ARL6: variants seen among roughly 807,000 people sequenced by gnomAD.
ARL6 encodes the protein ARF like GTPase 6, also known as ADP-ribosylation factor-like protein 6.
A neutral mutation model predicts 27.1 loss-of-function variants in ARL6; 18 were observed. The ratio of observed to expected loss-of-function variants is 0.66; its 90% CI spans 0.46 to 0.98. ARL6 has a LOEUF of 0.98. ARL6 is among the 50% of genes least tolerant of loss of function. The pLI, the probability that ARL6 is intolerant of heterozygous loss-of-function variation, is 0.00. For missense variants in ARL6, 187 were observed against 214.9 expected, an observed-to-expected ratio of 0.87 and a Z score of 0.81; for synonymous variants, 65 against 72.3, an observed-to-expected ratio of 0.90 and a Z score of 0.51.
chr3:97,787,911 T>C, intron 5 of ARL6, 79 bp from the exon 6 acceptor site: 1 of 1,488,208 alleles, frequency 6.7e-7, no homozygotes, highest in Non-Finnish European at 9.3e-7. Context: ...AAAAATTTCA[T>C]GGGTTTCAGT....
chr3:97,779,335 A>G (rs980180484), intron 2 of ARL6, among the ~76,000 whole-genome samples: 3 of 152,090 alleles, frequency 2.0e-5, no homozygotes, highest in East Asian at 1.9e-4. Flanking sequence ...CCCTCCTGTC[A>G]TTCACTCCTG....
intron 4 of ARL6, among the ~76,000 whole-genome samples, chr3:97,780,919 A>G (rs1164666704): frequency 6.6e-6 from 1 of 152,048 alleles, no homozygotes; most frequent in South Asian, 2.1e-4. Flanking sequence ...GCCCCATTCT[A>G]TCCTACTTCA....
chr3:97,787,789 T>A (rs554269389), intron 5 of ARL6, among the ~76,000 whole-genome samples: 2 of 152,216 alleles, frequency 1.3e-5, no homozygotes, highest in African/African-American at 2.4e-5. Context: ...GGGCAGATGG[T>A]CCTAGGAAGT....
intron 4 of ARL6, among the ~76,000 whole-genome samples, chr3:97,783,295 TTA>T: frequency 6.6e-6 from 1 of 151,828 alleles, no homozygotes; most frequent in Non-Finnish European, 1.5e-5. Flanking sequence ...ACCATCTAAA[TTA>T]TGTACCATGT....
intron 7 of ARL6, 47 bp from the exon 8 acceptor site, chr3:97,797,977 T>A (rs1442773684): frequency 6.4e-7 from 1 of 1,568,108 alleles, no homozygotes; most frequent in Non-Finnish European, 8.8e-7. Context: ...AGAAAATAGA[T>A]TTTGCCCTAT....
intron 2 of ARL6, among the ~76,000 whole-genome samples, chr3:97,774,359 G>T (rs2036789598): frequency 1.3e-5 from 2 of 151,824 alleles, no homozygotes; most frequent in South Asian, 4.2e-4. Flanking sequence ...CTAGAAGCAG[G>T]CGGGGGTATT....
At chr3:97,766,934 G>A (rs1476285422) in intron 1 of ARL6, among the ~76,000 whole-genome samples, 1 of 152,036 alleles carries the variant, frequency 6.6e-6, no homozygotes, top group African/African-American at 2.4e-5. Context: ...ACAAAGTAAT[G>A]GTTTGGGGAG....
chr3:97,776,627 G>A (rs2036914567), intron 2 of ARL6, among the ~76,000 whole-genome samples: 1 of 151,674 alleles, frequency 6.6e-6, no homozygotes, highest in Non-Finnish European at 1.5e-5. Context: ...CTTCATTTTG[G>A]TGATGTTACC....
At chr3:97,784,122 A>G (rs553179938) in intron 4 of ARL6, among the ~76,000 whole-genome samples, 15 of 152,008 alleles carry the variant, frequency 9.9e-5, no homozygotes, top group Admixed American at 7.9e-4. Context: ...AATGATGAAA[A>G]TTGGAAATAA....
Position 97,769,334 on chromosome 3 carries a change from A to G in ARL6, c.123+1104A>G, listed in dbSNP as rs143349562. ...AGTCTTAGCTGTCATTTTTTTAGAG[A>G]TAGACTCTATATACCTTTTTCAAAA... On this transcript the variant is annotated intron_variant, in intron 2 of 7. Transcript: ENST00000463745. 1.2e-4 allele frequency among the ~76,000 whole-genome samples: 19 copies of G among 152,044 alleles called. No individual in the cohort carries two copies. In the East Asian group the frequency reaches 3.7e-3, roughly 29 times the overall value.
chr3:97,780,176 C>G lies in ARL6; in HGVS notation c.141C>G (p.Ile47Met). 6.2e-7 allele frequency: 1 copy of G among 1,612,874 alleles called. No homozygotes were observed. Among genetic ancestry groups the G allele is most frequent in the Non-Finnish European group, 8.5e-7 (1 of 1,179,138 alleles). ...LKPSNAQSQN[I>M]LPTIGFSIEK... ...TCTTAAAGGCTCAATCTCAAAATATCCTTCCAACAATAGGATTCAGCATAG... is the reference window on the plus strand; with the variant it reads ...TCTTAAAGGCTCAATCTCAAAATATGCTTCCAACAATAGGATTCAGCATAG... The change falls in exon 3 of 8, where the codon ATC becomes ATG. Residue 47 changes from isoleucine (I) to methionine (M), a missense_variant. Coordinates refer to ENST00000463745, the MANE Select transcript of ARL6 (RefSeq NM_001278293.3).
chr3:97,784,586 CAA>C (rs1051033278), intron 4 of ARL6, among the ~76,000 whole-genome samples: 9 of 151,278 alleles, frequency 5.9e-5, no homozygotes, highest in Admixed American at 5.9e-4. Context: ...GTAATATACA[CAA>C]AGTGTAGCTT....
chr3:97,765,347 T>TGAG (rs1198142657), intron 1 of ARL6, among the ~76,000 whole-genome samples: 1 of 152,062 alleles, frequency 6.6e-6, no homozygotes, highest in African/African-American at 2.4e-5. Flanking sequence ...CAACAAACAC[T>TGAG]TTACAGAGTT....
At chr3:97,796,436 C>G (rs372798048) in intron 7 of ARL6, among the ~76,000 whole-genome samples, 33 of 151,790 alleles carry the variant, frequency 2.2e-4, no homozygotes, top group African/African-American at 7.5e-4. Flanking sequence ...GAAAGTAGAG[C>G]AGAAAGACAA....
chr3:97,780,080 G>C, intron 2 of ARL6, 79 bp from the exon 3 acceptor site: 1 of 1,197,396 alleles, frequency 8.4e-7, no homozygotes, highest in African/African-American at 1.5e-5. Flanking sequence ...TTTAGAAACT[G>C]AAAATCTGGA....
chr3:97,783,369 C>T (rs536974307), intron 4 of ARL6, among the ~76,000 whole-genome samples: 77 of 151,882 alleles, frequency 5.1e-4, no homozygotes, highest in African/African-American at 1.8e-3. Flanking sequence ...GAAAAACATG[C>T]AATGAATATA....
chr3:97,795,406 A>G (rs1271458498), intron 7 of ARL6, among the ~76,000 whole-genome samples: 2 of 152,208 alleles, frequency 1.3e-5, no homozygotes, highest in Non-Finnish European at 2.9e-5. Context: ...AGATGTGAAT[A>G]TTAGACTTAC....
intron 2 of ARL6, among the ~76,000 whole-genome samples, chr3:97,768,873 T>C (rs2036510808): frequency 1.3e-5 from 2 of 151,932 alleles, no homozygotes; most frequent in Admixed American, 1.3e-4. Context: ...CTTTTTTTTA[T>C]GGTAATGGTA....
intron 6 of ARL6, among the ~76,000 whole-genome samples, 193 bp from the exon 7 acceptor site, chr3:97,791,578 T>C (rs2037738985): frequency 6.6e-6 from 1 of 152,246 alleles, no homozygotes; most frequent in Non-Finnish European, 1.5e-5. Flanking sequence ...GTTTATAAAT[T>C]GTAAACATAT....
Sources: allele counts gnomAD v4.1 joint callset (sites outside exome capture counted in the v4.1 genomes callset), GRCh38; gene constraint gnomAD v4.1.1; transcripts MANE v1.5; gene names NCBI Gene and HGNC (gene_info 2026-07-23, HGNC 2026-07-21).